BRINP3: variants seen among roughly 807,000 people sequenced by gnomAD.
BRINP3 encodes the protein BMP/retinoic acid inducible neural specific 3.
A neutral mutation model predicts 71.0 loss-of-function variants in BRINP3; 19 were observed. The observed-to-expected ratio is 0.27, with a 90% CI of 0.19 to 0.39. BRINP3 has a LOEUF of 0.39. Among genes scored for constraint, BRINP3 ranks in the 10% least tolerant of loss-of-function variants. The pLI is 1.00. For missense variants in BRINP3, 959 were observed against 940.8 expected, an observed-to-expected ratio of 1.02 and a Z score of -0.25; for synonymous variants, 380 against 337.7, an observed-to-expected ratio of 1.13 and a Z score of -1.37.
chr1:190,259,756 A>G (rs987348533), intron 4 of BRINP3, among the ~76,000 whole-genome samples: 1 of 152,074 alleles, frequency 6.6e-6, no homozygotes, highest in African/African-American at 2.4e-5. Flanking sequence ...AAGGCCAGGC[A>G]TGGTGGCTCA....
At chr1:190,148,154 A>G (rs1656056251) in intron 7 of BRINP3, among the ~76,000 whole-genome samples, 5 of 152,144 alleles carry the variant, frequency 3.3e-5, no homozygotes, top group Admixed American at 3.3e-4. Context: ...CTTGGTGCTG[A>G]GTCTTTTTTC....
At chr1:190,285,421 C>T (rs889877268) in intron 2 of BRINP3, among the ~76,000 whole-genome samples, 1 of 152,058 alleles carries the variant, frequency 6.6e-6, no homozygotes, top group Non-Finnish European at 1.5e-5. Flanking sequence ...ACATATATCC[C>T]TAACGCTTAA....
intron 2 of BRINP3, among the ~76,000 whole-genome samples, chr1:190,314,003 G>A (rs1315580854): frequency 1.3e-5 from 2 of 151,996 alleles, no homozygotes; most frequent in Non-Finnish European, 2.9e-5. Flanking sequence ...GGCTGAAAGA[G>A]ATGTGAGGAG....
At chr1:190,231,473 A>G (rs2102726189) in intron 5 of BRINP3, among the ~76,000 whole-genome samples, 1 of 151,914 alleles carries the variant, frequency 6.6e-6, no homozygotes, top group Admixed American at 6.6e-5. Context: ...CCTTTAAATT[A>G]TTCATTTTCT....
intron 2 of BRINP3, among the ~76,000 whole-genome samples, chr1:190,320,826 G>A (rs1046088638): frequency 1.3e-5 from 2 of 152,052 alleles, no homozygotes; most frequent in Non-Finnish European, 2.9e-5. Context: ...CTCATGATAT[G>A]AGAACGTACA....
rs1051725041 is a variant in BRINP3, at chr1:190,249,728, A to T, written c.618+15137T>A. Among the ~76,000 whole-genome samples the T allele has an allele frequency of 1.4e-4, 21 of 151,884 alleles. 1 individual carries two copies. The highest frequency in any genetic ancestry group is 4.1e-4 in the African/African-American group (17 of 41,412). On this transcript the variant is annotated intron_variant, in intron 4 of 7. Coordinates refer to ENST00000367462, the MANE Select transcript of BRINP3 (RefSeq NM_199051.3). Reference sequence around the variant, plus strand: ...GAATTGTTTAAGCCATTTTTGAGTTACGTGAAGGTGAGAGTACATTTTTCA... The same window carrying T: ...GAATTGTTTAAGCCATTTTTGAGTTTCGTGAAGGTGAGAGTACATTTTTCA...
At chr1:190,393,737 T>C (rs571742266) in intron 2 of BRINP3, among the ~76,000 whole-genome samples, 2 of 151,682 alleles carry the variant, frequency 1.3e-5, no homozygotes, top group South Asian at 4.1e-4. Context: ...TCTAATAGCA[T>C]GCTGAAAAAC....
chr1:190,310,671 C>T (rs1470665600), intron 2 of BRINP3, among the ~76,000 whole-genome samples: 1 of 151,622 alleles, frequency 6.6e-6, no homozygotes, highest in African/African-American at 2.4e-5. Flanking sequence ...ACTGTTTACT[C>T]AATCTCCCTC....
rs896548604 is a variant in BRINP3, at chr1:190,322,592, C to T, written c.237-40842G>A. 7.2e-5 allele frequency among the ~76,000 whole-genome samples: 11 copies of T among 151,916 alleles called. 1 individual carries two copies. Among genetic ancestry groups the T allele is most frequent in the African/African-American group, 2.4e-4 (10 of 41,372 alleles). ...GGTAGTGATGAAGACATTGCAAAGG[C>T]CGTGAACTTGAATAAAAAATGAATC... is the stretch of plus-strand genomic sequence containing the variant. On this transcript the variant is annotated intron_variant, in intron 2 of 7. Coordinates refer to ENST00000367462, the MANE Select transcript of BRINP3 (RefSeq NM_199051.3).
At chr1:190,410,770 G>C (rs1405886449) in intron 2 of BRINP3, among the ~76,000 whole-genome samples, 1 of 152,102 alleles carries the variant, frequency 6.6e-6, no homozygotes, top group Non-Finnish European at 1.5e-5. Context: ...AAAGTAGGGA[G>C]AGGACATTGA....
intron 4 of BRINP3, among the ~76,000 whole-genome samples, chr1:190,237,692 T>C (rs890608038): frequency 6.6e-6 from 1 of 152,066 alleles, no homozygotes; most frequent in African/African-American, 2.4e-5. Context: ...ACAAATATCA[T>C]GGCCTTTACC....
At chr1:190,152,272 C>G (rs991781920) in intron 7 of BRINP3, among the ~76,000 whole-genome samples, 3 of 151,528 alleles carry the variant, frequency 2.0e-5, no homozygotes, top group Non-Finnish European at 4.4e-5. Flanking sequence ...GTTAACCAAC[C>G]ATGGCAGTCA....
Position 190,313,536 on chromosome 1 carries a change from A to T in BRINP3, c.237-31786T>A, listed in dbSNP as rs897986014. On this transcript the variant is annotated intron_variant, in intron 2 of 7. Coordinates refer to ENST00000367462, the MANE Select transcript of BRINP3 (RefSeq NM_199051.3). Reference sequence around the variant, plus strand: ...TGCAACCTATGTGATTTTAACAATAATCACATGTAATGTGTAAGTATCTGT... The same window carrying T: ...TGCAACCTATGTGATTTTAACAATATTCACATGTAATGTGTAAGTATCTGT... Among the ~76,000 whole-genome samples, 60 of 152,164 alleles carry T rather than the reference A, an allele frequency of 3.9e-4. 1 individual carries two copies. Among genetic ancestry groups the T allele is most frequent in the African/African-American group, 1.4e-3 (57 of 41,558 alleles).
At chr1:190,183,407 T>C (rs1341552882) in intron 6 of BRINP3, among the ~76,000 whole-genome samples, 1 of 152,092 alleles carries the variant, frequency 6.6e-6, no homozygotes, top group African/African-American at 2.4e-5. Flanking sequence ...TAAATGTGTT[T>C]TTGTAACTCA....
At chr1:190,460,937 C>T (rs192712593) in intron 1 of BRINP3, among the ~76,000 whole-genome samples, 71 of 152,204 alleles carry the variant, frequency 4.7e-4, no homozygotes, top group South Asian at 2.5e-3. Context: ...TCATAGTATA[C>T]GCTCAACAAT....
chr1:190,293,677 T>C (rs1257536836), intron 2 of BRINP3, among the ~76,000 whole-genome samples: 1 of 152,208 alleles, frequency 6.6e-6, no homozygotes, highest in Non-Finnish European at 1.5e-5. Context: ...TCTATTAAAT[T>C]TGCTTTACAT....
At chr1:190,158,317 T>G (rs1330054158) in intron 7 of BRINP3, among the ~76,000 whole-genome samples, 1 of 152,054 alleles carries the variant, frequency 6.6e-6, no homozygotes, top group Non-Finnish European at 1.5e-5. Flanking sequence ...CCACCAGCCA[T>G]GTGGAACTGT....
At chr1:190,317,429 G>T (rs570164811) in intron 2 of BRINP3, among the ~76,000 whole-genome samples, 1 of 151,904 alleles carries the variant, frequency 6.6e-6, no homozygotes, top group African/African-American at 2.4e-5. Context: ...TCAAATTTTT[G>T]ATCTCCATCT....
chr1:190,435,314 A>G (rs1028272961), intron 2 of BRINP3, among the ~76,000 whole-genome samples: 4 of 152,122 alleles, frequency 2.6e-5, no homozygotes, highest in African/African-American at 9.7e-5. Context: ...TGACACTTTA[A>G]AAAATAGACA....
Sources: allele counts gnomAD v4.1 joint callset (sites outside exome capture counted in the v4.1 genomes callset), GRCh38; gene constraint gnomAD v4.1.1; transcripts MANE v1.5; gene names NCBI Gene and HGNC (gene_info 2026-07-23, HGNC 2026-07-21).